Variants in CHLSN observed in about 807,000 individuals in gnomAD.
CHLSN encodes protein cholesin.
the CHLSN span, among the ~76,000 whole-genome samples, chr7:1,073,378 C>A: frequency 4.6e-5 from 7 of 152,108 alleles, 1 homozygote; most frequent in Non-Finnish European, 8.8e-5. Context: ...CTACTCCCCG[C>A]GCAGGCAGCT....
the CHLSN span, among the ~76,000 whole-genome samples, chr7:1,116,214 T>C: frequency 7.5e-6 from 1 of 133,520 alleles, no homozygotes; most frequent in African/African-American, 2.9e-5. Flanking sequence ...AGGGACTGGC[T>C]TCCATCACCA....
the CHLSN span, among the ~76,000 whole-genome samples, chr7:981,152 T>G: frequency 6.6e-6 from 1 of 151,488 alleles, no homozygotes; most frequent in Non-Finnish European, 1.5e-5. Flanking sequence ...AAAAATTAGC[T>G]GAGTGTGGTT....
the CHLSN span, among the ~76,000 whole-genome samples, chr7:1,116,425 AC>A: frequency 1.5e-4 from 20 of 135,882 alleles, no homozygotes; most frequent in East Asian, 4.8e-3. Flanking sequence ...AGCTCTACGG[AC>A]CGGCTTCCAT....
the CHLSN span, chr7:1,093,061 C>T: frequency 4.2e-6 from 3 of 708,238 alleles, no homozygotes; most frequent in African/African-American, 3.5e-5. Flanking sequence ...ACTCCTCACA[C>T]AGAATTGCTA....
the CHLSN span, chr7:984,916 A>G: frequency 1.3e-6 from 2 of 1,552,250 alleles, no homozygotes; most frequent in Non-Finnish European, 1.7e-6. Flanking sequence ...TGGGGTGGGA[A>G]CCTGGGCTCA....
the CHLSN span, among the ~76,000 whole-genome samples, chr7:982,509 A>G: frequency 6.6e-6 from 1 of 152,186 alleles, no homozygotes; most frequent in Non-Finnish European, 1.5e-5. Flanking sequence ...GCCACCTGCC[A>G]CCCGGCAGCC....
At chr7:1,026,911 T>C in the CHLSN span, 1 of 152,248 alleles carries the variant, frequency 6.6e-6, no homozygotes, top group East Asian at 1.9e-4. Flanking sequence ...GTCAGGAAAC[T>C]GCAGGGCTTT....
At chr7:1,020,511 G>A in the CHLSN span, among the ~76,000 whole-genome samples, 3 of 152,234 alleles carry the variant, frequency 2.0e-5, no homozygotes, top group African/African-American at 7.2e-5. Context: ...ATCGAGATAT[G>A]TCTGGCGGAT....
the CHLSN span, chr7:985,031 G>A: frequency 9.3e-6 from 15 of 1,612,322 alleles, no homozygotes; most frequent in East Asian, 4.5e-5. Context: ...GGCGTGGGCC[G>A]GGAGCCGGTG....
chr7:1,135,489 G>A, the CHLSN span, among the ~76,000 whole-genome samples: 17 of 151,902 alleles, frequency 1.1e-4, no homozygotes, highest in Middle Eastern at 3.4e-3. Context: ...GTGTATGGCC[G>A]GGCACGGTGG....
the CHLSN span, among the ~76,000 whole-genome samples, chr7:1,132,015 T>G: frequency 1.1e-3 from 167 of 152,324 alleles, 1 homozygote; most frequent in African/African-American, 3.9e-3. Flanking sequence ...TATAAAAGAA[T>G]GGATTTGGAG....
the CHLSN span, among the ~76,000 whole-genome samples, chr7:1,096,087 G>A: frequency 5.9e-5 from 9 of 152,312 alleles, no homozygotes; most frequent in East Asian, 1.9e-4. The surrounding 1 kb of genome is among the most constrained non-coding windows in gnomAD (Gnocchi z 4.6). Flanking sequence ...TGACTGTGGC[G>A]TCCTTCCCTC....
chr7:1,028,850 C>T, the CHLSN span: 1 of 803,652 alleles, frequency 1.2e-6, no homozygotes, highest in East Asian at 1.3e-4. Flanking sequence ...CCCATCTTCC[C>T]AGTCTGCCAT....
At chr7:1,067,834 T>A in the CHLSN span, among the ~76,000 whole-genome samples, 1 of 124,656 alleles carries the variant, frequency 8.0e-6, no homozygotes, top group Non-Finnish European at 1.7e-5. Context: ...GGGCACAGTC[T>A]TCACACAGGC....
the CHLSN span, among the ~76,000 whole-genome samples, chr7:1,087,428 T>C: frequency 6.6e-6 from 1 of 152,246 alleles, no homozygotes; most frequent in African/African-American, 2.4e-5. Flanking sequence ...AAATACGAAA[T>C]TCATTTGTGT....
the CHLSN span, among the ~76,000 whole-genome samples, chr7:1,069,393 T>A: frequency 7.2e-6 from 1 of 138,858 alleles, no homozygotes; most frequent in Admixed American, 7.2e-5. Context: ...CTCCCCACGG[T>A]CTCCCTCTCA....
At chr7:1,104,504 G>C in the CHLSN span, among the ~76,000 whole-genome samples, 100 of 152,356 alleles carry the variant, frequency 6.6e-4, no homozygotes, top group Admixed American at 6.5e-3. Context: ...CCGCATGTCA[G>C]TACTGCAGCT....
At chr7:1,096,589 T>C in the CHLSN span, among the ~76,000 whole-genome samples, 2 of 152,192 alleles carry the variant, frequency 1.3e-5, no homozygotes, top group Admixed American at 1.3e-4. This position sits in a 1 kb window ranked among gnomAD's most constrained non-coding sequence, Gnocchi z 4.6. Flanking sequence ...TGAGATAAAA[T>C]CAAGGCGTCT....
chr7:1,111,811 AGT>A, the CHLSN span, among the ~76,000 whole-genome samples: 9 of 151,942 alleles, frequency 5.9e-5, no homozygotes, highest in African/African-American at 2.2e-4. Flanking sequence ...AAAAAAAAAA[AGT>A]TGCAGTTTCC....
Sources: allele counts gnomAD v4.1 joint callset (sites outside exome capture counted in the v4.1 genomes callset), GRCh38; gene constraint gnomAD v4.1.1; non-coding constraint Gnocchi (gnomAD v3.1); transcripts MANE v1.5; gene names NCBI Gene and HGNC (gene_info 2026-07-23, HGNC 2026-07-21).